Variants in OR4K1 observed in about 807,000 individuals in gnomAD.
OR4K1 encodes the protein olfactory receptor family 4 subfamily K member 1, also known as olfactory receptor 4K1.
Under a neutral mutation model 14.4 loss-of-function variants are expected in OR4K1, and 16 were observed. That is an observed-to-expected ratio of 1.11 (90% CI 0.75 to 1.68). The LOEUF (loss-of-function observed/expected upper bound fraction) is 1.68, where lower values mean the gene tolerates loss of function less well. Ranked by LOEUF, OR4K1 falls within the 40% of genes most tolerant of loss-of-function variation. The pLI is 0.00. For synonymous variants in OR4K1, 181 were observed against 133.1 expected (o/e 1.36, Z -2.48); for missense variants, 548 against 376.9 (o/e 1.45, Z -3.76).
chr14:19,920,774 C>T, the OR4K1 span: 33 of 1,614,084 alleles, frequency 2.0e-5, no homozygotes, highest in African/African-American at 2.7e-5. Context: ...CCAGCCTGCA[C>T]TCCCCTATGT....
intron 1 of OR4K1, among the ~76,000 whole-genome samples, chr14:19,934,083 G>T (rs1235668413): frequency 6.6e-6 from 1 of 152,178 alleles, no homozygotes; most frequent in East Asian, 1.9e-4. Context: ...TATTATTTTG[G>T]TCATGTCTAA....
chr14:19,934,563 A>C (rs542953320), intron 1 of OR4K1, among the ~76,000 whole-genome samples: 1 of 152,260 alleles, frequency 6.6e-6, no homozygotes, highest in African/African-American at 2.4e-5. Context: ...AAAAGGTTGA[A>C]AGGAAGTGTT....
chr14:19,928,455 A>G (rs773155973), upstream of OR4K1, among the ~76,000 whole-genome samples: 8 of 152,090 alleles, frequency 5.3e-5, no homozygotes, highest in Non-Finnish European at 1.0e-4. Context: ...TCTTTCTCCA[A>G]TGTGTCGCTA....
chr14:19,934,269 A>G (rs1157340562), intron 1 of OR4K1, among the ~76,000 whole-genome samples: 2 of 152,250 alleles, frequency 1.3e-5, no homozygotes, highest in East Asian at 1.9e-4. Context: ...AAGTGGCCAC[A>G]TGTATTAAGC....
At chr14:19,922,763 A>G in the OR4K1 span, among the ~76,000 whole-genome samples, 7 of 152,286 alleles carry the variant, frequency 4.6e-5, no homozygotes, top group East Asian at 1.9e-4. Flanking sequence ...CGTCACTTCA[A>G]AGAAACTTTC....
At chr14:19,931,723 A>T (rs1882189186) in intron 1 of OR4K1, among the ~76,000 whole-genome samples, 1 of 152,260 alleles carries the variant, frequency 6.6e-6, no homozygotes, top group African/African-American at 2.4e-5. Flanking sequence ...TACACCAAGA[A>T]TAGGGAAATT....
chr14:19,932,221 G>A (rs1340328750), intron 1 of OR4K1, among the ~76,000 whole-genome samples: 2 of 152,192 alleles, frequency 1.3e-5, no homozygotes, highest in Admixed American at 1.3e-4. Context: ...ATTTTTCAAA[G>A]ATAAGATGAT....
intron 1 of OR4K1, among the ~76,000 whole-genome samples, chr14:19,931,769 T>C (rs1882190077): frequency 6.6e-6 from 1 of 152,260 alleles, no homozygotes; most frequent in Non-Finnish European, 1.5e-5. Flanking sequence ...AAAACACTCC[T>C]ATCTCTGAGG....
chr14:19,923,838 T>C, the OR4K1 span, among the ~76,000 whole-genome samples: 1 of 152,264 alleles, frequency 6.6e-6, no homozygotes, highest in South Asian at 2.1e-4. Flanking sequence ...TTACTTTTTA[T>C]TCTCCTTGTA....
Position 19,936,630 on chromosome 14 carries a change from A to T in OR4K1, c.*28A>T, listed in dbSNP as rs758991705. ...ATCATTACGAAGGAGCATAATCCTG[A>T]ATTAGAATGAAGACCCTCCAGTGTA... On this transcript the variant is annotated 3_prime_UTR_variant, in exon 2 of 2. Coordinates refer to ENST00000641172, the MANE Select transcript of OR4K1 (RefSeq NM_001004063.3). 6.5e-6 allele frequency: 10 copies of T among 1,549,698 alleles called. No individual in the cohort carries two copies. In the African/African-American group the frequency reaches 1.4e-4, roughly 21 times the overall value.
chr14:19,920,648 G>A, the OR4K1 span: 33 of 1,613,458 alleles, frequency 2.0e-5, no homozygotes, highest in Admixed American at 1.2e-4. Context: ...AATTTGTACT[G>A]TTGGGACTCT....
the OR4K1 span, chr14:19,920,594 G>T: frequency 6.3e-7 from 1 of 1,581,480 alleles, no homozygotes. Context: ...GAACAAGTTT[G>T]CAGCTTGGAA....
rs764548647 is a variant in OR4K1, at chr14:19,935,926, T to C, written c.260T>C (p.Ile87Thr). 2.5e-6 allele frequency: 4 copies of C among 1,614,114 alleles called. No individual in the cohort carries two copies. The highest frequency in any genetic ancestry group is 1.3e-5 in the African/African-American group (1 of 74,956). ...ATPKMLVDFF[I>T]ERKTISFEGC... is the part of the protein sequence containing the mutation. ...CCCAAGATGCTTGTAGACTTTTTTA[T>C]TGAGCGCAAGACTATCTCCTTTGAG... The change falls in exon 2 of 2, where the codon ATT (isoleucine) becomes ACT (threonine). Residue 87 changes from isoleucine (I) to threonine (T), a missense_variant. Ile to Thr is a moderately conservative substitution (Grantham distance 89). Transcript: ENST00000641172.
upstream of OR4K1, among the ~76,000 whole-genome samples, chr14:19,927,090 G>A (rs1025589317): frequency 9.2e-5 from 14 of 152,264 alleles, no homozygotes; most frequent in East Asian, 9.6e-4. Flanking sequence ...GTAGGACCAC[G>A]CTGAAGCAGG....
At chr14:19,922,854 G>A in the OR4K1 span, among the ~76,000 whole-genome samples, 1,964 of 152,036 alleles carry the variant, frequency 0.013, 35 homozygotes, top group African/African-American at 0.046. Flanking sequence ...TTCATTTCAA[G>A]AGTGTTGTAA....
At chr14:19,921,612 A>G in the OR4K1 span, 1 of 1,562,514 alleles carries the variant, frequency 6.4e-7, no homozygotes, top group Middle Eastern at 1.7e-4. Flanking sequence ...AGGTCAATAC[A>G]CTGTTTAATA....
chr14:19,922,821 T>TC, the OR4K1 span, among the ~76,000 whole-genome samples: 20 of 152,332 alleles, frequency 1.3e-4, no homozygotes, highest in African/African-American at 4.8e-4. Flanking sequence ...AATGATCTGT[T>TC]CCCCATCACT....
chr14:19,936,140 C>A lies in OR4K1; in HGVS notation c.474C>A (p.Ser158Arg). The A allele has an allele frequency of 6.2e-7, 1 of 1,614,232 alleles. No individual in the cohort carries two copies. Among genetic ancestry groups the A allele is most frequent in the Non-Finnish European group, 8.5e-7 (1 of 1,180,032 alleles). Reference protein sequence around the residue: ...SWAVGVLHSVSHLAFTVDLPF... With the variant: ...SWAVGVLHSVRHLAFTVDLPF... ...CGGTGGGCGTTCTTCATTCTGTGAG[C>A]CACTTGGCTTTTACAGTGGACCTGC... Residue 158 changes from serine to arginine, a missense_variant, in exon 2 of 2, where the codon AGC becomes AGA. Coordinates refer to ENST00000641172, the MANE Select transcript of OR4K1 (RefSeq NM_001004063.3).
Position 19,935,831 on chromosome 14 carries a change from G to T in OR4K1, c.165G>T (p.Leu55Phe). 1 of 1,614,168 alleles carries T rather than the reference G, an allele frequency of 6.2e-7. No individual in the cohort carries two copies. The highest frequency in any genetic ancestry group is 8.5e-7 in the Non-Finnish European group (1 of 1,180,030). The change falls in exon 2 of 2, where the codon TTG becomes TTT. Residue 55 changes from leucine to phenylalanine, a missense_variant. Leu to Phe is a conservative substitution (Grantham distance 22). Transcript: ENST00000641172. ...IIVIISFDSH[L>F]NSPMYFLLSN... ...TCATTATTTCTTTTGACTCCCATTT[G>T]AACTCTCCTATGTACTTCTTGCTCA...
Sources: gnomAD v4.1 joint callset for allele counts (sites outside exome capture counted in the v4.1 genomes callset) on GRCh38, gnomAD v4.1.1 for gene constraint, MANE v1.5 for transcripts, NCBI Gene and HGNC (gene_info 2026-07-23, HGNC 2026-07-21) for gene names.